DDX60L: variants seen among roughly 807,000 people sequenced by gnomAD.
DDX60L encodes the protein probable ATP-dependent RNA helicase DDX60-like.
In DDX60L, 191 loss-of-function variants were observed where a neutral mutation model predicts 211.6. That is an observed-to-expected ratio of 0.90 (90% confidence interval 0.80 to 1.02). The LOEUF is 1.02. Among genes scored for constraint, DDX60L ranks in the 50% least tolerant of loss-of-function variants. The pLI is 0.00. For missense variants in DDX60L, 2,007 were observed against 1,984.1 expected (o/e 1.01, Z -0.22); for synonymous variants, 706 against 694.1 (o/e 1.02, Z -0.27).
At position 168,356,745 on chromosome 4, in the gene DDX60L, G is replaced by A. The variant is rs1432615343; in HGVS notation, c.*1402C>T. On this transcript the variant is annotated 3_prime_UTR_variant, in exon 38 of 38. Coordinates refer to ENST00000682922, the MANE Select transcript of DDX60L (RefSeq NM_001012967.3). The stretch of plus-strand genomic sequence containing the variant: ...GAACACAACAGTAAATCAATTTAAT[G>A]CCCTTTATTTTCTGATGGGTGCCAA... 1 of 152,266 alleles carries A rather than the reference G, an allele frequency of 6.6e-6. No individual in the cohort carries two copies. Among genetic ancestry groups the A allele is most frequent in the East Asian group, 1.9e-4 (1 of 5,188 alleles). 9.4% of individuals were successfully genotyped at this position (152,266 alleles called of 1,614,324 possible).
Position 168,406,610 on chromosome 4 carries a change from T to TGAG in DDX60L, c.3075_3076insCTC (p.Pro1025_Arg1026insLeu). 1 of 1,592,880 alleles carries TGAG rather than the reference T, an allele frequency of 6.3e-7. No individual in the cohort carries two copies. The highest frequency in any genetic ancestry group is 1.1e-5 in the South Asian group (1 of 87,498). On this transcript the variant is annotated inframe_insertion, in exon 23 of 38. Coordinates refer to ENST00000682922, the MANE Select transcript of DDX60L (RefSeq NM_001012967.3). ...TATATTTCTATATTTACCTGAGCCC[T>TGAG]GGGCCAAGTTTCCCAGACTTGAGCC...
chr4:168,391,669 CA>C (rs1744855837), intron 28 of DDX60L, 25 bp from the exon 29 acceptor site: 3 of 1,197,588 alleles, frequency 2.5e-6, no homozygotes, highest in Non-Finnish European at 3.5e-6. Flanking sequence ...AAAAAACAGT[CA>C]ATACACAATA....
rs893143346 is a variant in DDX60L, at chr4:168,458,463, C to T, written c.607-455G>A. 7.9e-5 allele frequency among the ~76,000 whole-genome samples: 12 copies of T among 152,134 alleles called. 1 individual carries two copies. Among genetic ancestry groups the T allele is most frequent in the African/African-American group, 2.9e-4 (12 of 41,426 alleles). ...TGTGGTACATATATTCCATGGAATA[C>T]TATGCAGCTGTGAAAAGGAACAACA... On this transcript the variant is annotated intron_variant, in intron 5 of 37. Transcript: ENST00000682922.
chr4:168,360,941 T>G (rs1467700940), intron 37 of DDX60L, among the ~76,000 whole-genome samples: 1 of 152,110 alleles, frequency 6.6e-6, no homozygotes, highest in African/African-American at 2.4e-5. Context: ...TTGAGATGAA[T>G]CTTAATACAA....
chr4:168,452,404 A>G (rs555370110), intron 8 of DDX60L, among the ~76,000 whole-genome samples: 1 of 152,330 alleles, frequency 6.6e-6, no homozygotes, highest in South Asian at 2.1e-4. Flanking sequence ...GTAAACTACA[A>G]TACAATCACT....
chr4:168,374,010 A>G (rs1741494802), intron 34 of DDX60L, among the ~76,000 whole-genome samples: 4 of 152,026 alleles, frequency 2.6e-5, no homozygotes, highest in Admixed American at 2.6e-4. Flanking sequence ...ACTTATTATC[A>G]TTACTCTTTT....
rs375626761 is a variant in DDX60L, at chr4:168,420,305, C to T, written c.2470G>A (p.Gly824Ser). The T allele has an allele frequency of 5.7e-5, 92 of 1,608,438 alleles. No homozygotes were observed. Among genetic ancestry groups the T allele is most frequent in the East Asian group, 1.1e-4 (5 of 44,826 alleles). The change falls in exon 18 of 38, where the codon GGT (glycine) becomes AGT (serine). Residue 824 changes from glycine to serine, a missense_variant. By Grantham distance (56) the Gly-to-Ser change is moderately conservative (BLOSUM62 0). Coordinates refer to ENST00000682922, the MANE Select transcript of DDX60L (RefSeq NM_001012967.3). The stretch of plus-strand genomic sequence containing the variant: ...TGACAATAATCTCTTGTAAAAGCAC[C>T]GCATAGAGTTCTGCCGGCAGGCAAC... ...KTLPAGRTLCGAFTRDYCHNV... is the reference protein window; with the variant it reads ...KTLPAGRTLCSAFTRDYCHNV...
chr4:168,392,308 T>C (rs973536198), intron 28 of DDX60L, among the ~76,000 whole-genome samples: 1 of 152,220 alleles, frequency 6.6e-6, no homozygotes, highest in African/African-American at 2.4e-5. Context: ...CAATCACCTA[T>C]GTAATGCTAG....
At chr4:168,375,636 C>T (rs1741825609) in intron 33 of DDX60L, 112 bp from the exon 34 acceptor site, 2 of 1,010,530 alleles carry the variant, frequency 2.0e-6, no homozygotes, top group Non-Finnish European at 2.7e-6. Flanking sequence ...TTCATCAAAA[C>T]CCTTGATTAC....
chr4:168,456,224 T>A, intron 6 of DDX60L, 72 bp from the exon 7 acceptor site: 1 of 867,820 alleles, frequency 1.2e-6, no homozygotes, highest in Non-Finnish European at 1.7e-6. Flanking sequence ...TGCTCTTACT[T>A]GTAAGAAACA....
chr4:168,377,154 G>A (rs60871032), intron 33 of DDX60L, among the ~76,000 whole-genome samples: 53,739 of 151,806 alleles, frequency 0.35, 9,881 homozygotes, highest in African/African-American at 0.45. Context: ...TTAGCCAAGC[G>A]TGGTGGCGAA....
chr4:168,423,898 T>A, intron 14 of DDX60L, 124 bp from the exon 15 acceptor site: 1 of 574,650 alleles, frequency 1.7e-6, no homozygotes, highest in Non-Finnish European at 2.8e-6. Context: ...TACTTGACTT[T>A]AAAGGAGATT....
chr4:168,387,825 G>C (rs1444025701), intron 29 of DDX60L, among the ~76,000 whole-genome samples: 1 of 152,216 alleles, frequency 6.6e-6, no homozygotes, highest in East Asian at 1.9e-4. Context: ...GACCTTTAAT[G>C]TGTCTCTTTC....
At chr4:168,358,827 C>A (rs1206241206) in intron 37 of DDX60L, among the ~76,000 whole-genome samples, 1 of 152,104 alleles carries the variant, frequency 6.6e-6, no homozygotes, top group African/African-American at 2.4e-5. Context: ...CACAGTTCCT[C>A]TTTATATTAC....
intron 22 of DDX60L, among the ~76,000 whole-genome samples, chr4:168,412,408 T>C (rs1376065143): frequency 2.0e-5 from 3 of 151,804 alleles, no homozygotes; most frequent in Non-Finnish European, 4.4e-5. Flanking sequence ...ATAAGCTGAC[T>C]GAAGAGGCCT....
intron 22 of DDX60L, among the ~76,000 whole-genome samples, chr4:168,410,574 T>C (rs933180653): frequency 3.9e-5 from 6 of 152,126 alleles, no homozygotes; most frequent in African/African-American, 7.2e-5. Context: ...GGATATAAAG[T>C]AATAAAAAAA....
chr4:168,473,770 T>C (rs1759116218), intron 1 of DDX60L, among the ~76,000 whole-genome samples: 1 of 152,214 alleles, frequency 6.6e-6, no homozygotes, highest in Non-Finnish European at 1.5e-5. Context: ...CCACTCCTGA[T>C]CACTCCCAAA....
chr4:168,473,839 T>C (rs751156366), intron 1 of DDX60L, among the ~76,000 whole-genome samples: 2 of 152,190 alleles, frequency 1.3e-5, no homozygotes. Context: ...AACTCACTTC[T>C]TCACTTCATA....
At chr4:168,442,715 G>A (rs1444278242) in intron 9 of DDX60L, among the ~76,000 whole-genome samples, 4 of 151,418 alleles carry the variant, frequency 2.6e-5, no homozygotes, top group Non-Finnish European at 5.9e-5. Flanking sequence ...GTGGGTCCCT[G>A]ACCCCTGACC....
Sources: allele counts gnomAD v4.1 joint callset (sites outside exome capture counted in the v4.1 genomes callset), GRCh38; gene constraint gnomAD v4.1.1; transcripts MANE v1.5; gene names NCBI Gene and HGNC (gene_info 2026-07-23, HGNC 2026-07-21).